Variants in DNAJB6 observed in about 807,000 individuals in gnomAD.
DNAJB6 encodes the protein dnaJ homolog subfamily B member 6.
Under a neutral mutation model 42.7 loss-of-function variants are expected in DNAJB6, and 16 were observed. The observed-to-expected ratio is 0.37, with a 90% CI of 0.25 to 0.57. DNAJB6 has a LOEUF of 0.57. Among genes scored for constraint, DNAJB6 ranks in the 20% least tolerant of loss-of-function variants. The probability of loss-of-function intolerance (pLI) is 0.74; values close to 1 mark genes in which losing one functional copy is unlikely to be tolerated. For missense variants in DNAJB6, 347 were observed against 416.8 expected, an observed-to-expected ratio of 0.83 and a Z score of 1.46; for synonymous variants, 170 against 163.5, an observed-to-expected ratio of 1.04 and a Z score of -0.30.
At chr7:157,401,462 C>T (rs1057236176) in intron 8 of DNAJB6, among the ~76,000 whole-genome samples, 4 of 152,168 alleles carry the variant, frequency 2.6e-5, no homozygotes, top group East Asian at 3.8e-4. Flanking sequence ...CTGCCTGCCT[C>T]GGCCTCCCAA....
rs1554450140 is a variant in DNAJB6 at position 157,340,995 on chromosome 7, T to TGTGC, written c.-27+3853_-27+3856dup. Among the ~76,000 whole-genome samples the TGTGC allele has an allele frequency of 3.0e-5, 3 of 99,850 alleles. No homozygotes were observed. The East Asian group carries it at 1.1e-3, about 36-fold the overall frequency. 65.5% of individuals were successfully genotyped at this position (99,850 alleles called of 152,430 possible). A position where few individuals can be genotyped will look rare whatever the true frequency, so the allele number is the denominator to read the frequency against. ...GTGTGTGTGTGTGTGTGTGTGTGTG[T>TGTGC]GTGCGCGCGCGCAGGTGGAATCACC... On this transcript the variant is annotated intron_variant, in intron 1 of 9. Transcript: ENST00000262177.
intron 8 of DNAJB6, among the ~76,000 whole-genome samples, chr7:157,394,319 C>G (rs1801484546): frequency 6.6e-6 from 1 of 152,204 alleles, no homozygotes; most frequent in Non-Finnish European, 1.5e-5. Context: ...TTGTATTCTA[C>G]TGGATTTTTT....
At chr7:157,400,359 T>C (rs1554467459) in intron 8 of DNAJB6, among the ~76,000 whole-genome samples, 1 of 152,192 alleles carries the variant, frequency 6.6e-6, no homozygotes, top group Non-Finnish European at 1.5e-5. Flanking sequence ...CGCGCCTTCA[T>C]GGACACGCTC....
chr7:157,358,560 A>T lies in DNAJB6; in HGVS notation c.-13A>T. 6.2e-7 allele frequency: 1 copy of T among 1,612,400 alleles called. No homozygotes were observed. Among genetic ancestry groups the T allele is most frequent in the Non-Finnish European group, 8.5e-7 (1 of 1,178,674 alleles). On this transcript the variant is annotated 5_prime_UTR_variant, in exon 2 of 10. Transcript: ENST00000262177. ...TTTTACTTGCAGGACCCATTCCAAC[A>T]ATCTCGTAAAACATGGTGGATTACT...
intron 8 of DNAJB6, among the ~76,000 whole-genome samples, chr7:157,405,322 G>A (rs546994458): frequency 3.7e-4 from 56 of 152,230 alleles, no homozygotes; most frequent in East Asian, 2.9e-3. Context: ...TGTGTTCCTC[G>A]GCCCTCTGTG....
At chr7:157,343,608 C>G (rs745905286) in intron 1 of DNAJB6, among the ~76,000 whole-genome samples, 2 of 152,120 alleles carry the variant, frequency 1.3e-5, no homozygotes, top group African/African-American at 4.8e-5. Context: ...GCCACCACGT[C>G]TGACTGGGTT....
rs371536881 is a variant in DNAJB6, at chr7:157,392,359, G to GT, written c.691+6764dup. On this transcript the variant is annotated intron_variant, in intron 8 of 9. Transcript: ENST00000262177. Reference sequence around the variant, plus strand: ...CTTTAGCCTGCTGTGTTGAAAGTGGGTTTTTTTTTTTTTTTTGGTTTTTCT... The same window carrying GT: ...CTTTAGCCTGCTGTGTTGAAAGTGGGTTTTTTTTTTTTTTTTTGGTTTTTCT... Among the ~76,000 whole-genome samples, 1,102 of 137,828 alleles carry GT rather than the reference G, an allele frequency of 8.0e-3. 9 individuals are homozygous for GT. Among genetic ancestry groups the GT allele is most frequent in the Middle Eastern group, 0.015 (4 of 268 alleles). The allele number at this position is 137,828 out of a possible 152,430, so 90.4% of individuals were successfully genotyped here.
intron 8 of DNAJB6, among the ~76,000 whole-genome samples, chr7:157,405,813 C>G (rs1368268715): frequency 6.6e-6 from 1 of 152,250 alleles, no homozygotes; most frequent in African/African-American, 2.4e-5. Flanking sequence ...GGTGCTTGTT[C>G]CGGTTCTCCT....
intron 9 of DNAJB6, chr7:157,410,353 C>T: frequency 2.3e-6 from 1 of 435,946 alleles, no homozygotes; most frequent in Non-Finnish European, 3.9e-6. Context: ...GTGGCTTAGG[C>T]CGGGTGGTCT....
chr7:157,369,855 G>T (rs1039716725), intron 5 of DNAJB6, among the ~76,000 whole-genome samples: 1 of 150,484 alleles, frequency 6.6e-6, no homozygotes, highest in African/African-American at 2.5e-5. Context: ...TATTAAACGG[G>T]CCCCTTCTTC....
chr7:157,347,199 A>G (rs1175729953), intron 1 of DNAJB6, among the ~76,000 whole-genome samples: 1 of 152,184 alleles, frequency 6.6e-6, no homozygotes, highest in African/African-American at 2.4e-5. Context: ...TTTGTATTTA[A>G]TTTATATTCT....
chr7:157,343,130 G>A (rs541956496), intron 1 of DNAJB6, among the ~76,000 whole-genome samples: 2 of 151,402 alleles, frequency 1.3e-5, no homozygotes, highest in South Asian at 4.2e-4. Context: ...TGAGTAGCTG[G>A]GATTACAGAT....
At chr7:157,404,158 G>T (rs1261448211) in intron 8 of DNAJB6, among the ~76,000 whole-genome samples, 1 of 151,784 alleles carries the variant, frequency 6.6e-6, no homozygotes, top group African/African-American at 2.4e-5. Flanking sequence ...TTGTAGAGAT[G>T]GGGTCTCACT....
At chr7:157,341,045 C>T (rs981167236) in intron 1 of DNAJB6, among the ~76,000 whole-genome samples, 8 of 152,004 alleles carry the variant, frequency 5.3e-5, no homozygotes, top group African/African-American at 1.7e-4. Context: ...TGGTCTCGAA[C>T]TCCTGGCCTC....
At chr7:157,367,097 G>A (rs1799881607) in intron 4 of DNAJB6, among the ~76,000 whole-genome samples, 1 of 152,164 alleles carries the variant, frequency 6.6e-6, no homozygotes, top group African/African-American at 2.4e-5. Context: ...TCATAAAAAT[G>A]GTGTGTAATG....
chr7:157,381,258 A>C (rs1020388289), intron 5 of DNAJB6: 4 of 152,132 alleles, frequency 2.6e-5, no homozygotes, highest in African/African-American at 9.7e-5. Context: ...CTGGCCTGCA[A>C]GTAGGCCGTA....
chr7:157,402,733 A>C (rs987277419), intron 8 of DNAJB6, among the ~76,000 whole-genome samples: 2 of 152,108 alleles, frequency 1.3e-5, no homozygotes, highest in African/African-American at 4.8e-5. Context: ...ACAAATAAGG[A>C]ATATGGGGCC....
Position 157,393,074 on chromosome 7 carries a change from A to G in DNAJB6, c.691+7463A>G, listed in dbSNP as rs528686076. Among the ~76,000 whole-genome samples the G allele has an allele frequency of 1.8e-4, 27 of 152,228 alleles. 1 individual carries two copies. In the South Asian group the frequency reaches 5.4e-3, roughly 30 times the overall value. The stretch of plus-strand genomic sequence containing the variant: ...CTGCAACCCCTGCCTCCTGGGTTCA[A>G]GCGATTCTCCTGCCTCAGCCTCCCG... On this transcript the variant is annotated intron_variant, in intron 8 of 9. Coordinates refer to ENST00000262177, the MANE Select transcript of DNAJB6 (RefSeq NM_058246.4).
At chr7:157,356,499 A>G (rs1799283735) in intron 1 of DNAJB6, among the ~76,000 whole-genome samples, 1 of 152,202 alleles carries the variant, frequency 6.6e-6, no homozygotes, top group South Asian at 2.1e-4. Flanking sequence ...GTATGTTGCC[A>G]TGTCATTCTA....
Sources: allele counts gnomAD v4.1 joint callset (sites outside exome capture counted in the v4.1 genomes callset), GRCh38; gene constraint gnomAD v4.1.1; transcripts MANE v1.5; gene names NCBI Gene and HGNC (gene_info 2026-07-23, HGNC 2026-07-21).